Variants in CIITA observed in about 807,000 individuals in gnomAD.
CIITA encodes MHC class II transactivator.
In CIITA, 72 loss-of-function variants were observed where a neutral mutation model predicts 115.1. That is an observed-to-expected ratio of 0.63 (90% confidence interval 0.52 to 0.76). CIITA has a LOEUF of 0.76. CIITA is among the 30% of genes least tolerant of loss of function. CIITA has a pLI of 0.00. For missense variants in CIITA, 1,617 were observed against 1,463.8 expected, an observed-to-expected ratio of 1.10 and a Z score of -1.71; for synonymous variants, 763 against 635.6, an observed-to-expected ratio of 1.20 and a Z score of -3.02.
chr16:10,880,497 C>T (rs969713411), intron 1 of CIITA, among the ~76,000 whole-genome samples: 1 of 152,124 alleles, frequency 6.6e-6, no homozygotes, highest in African/African-American at 2.4e-5. Flanking sequence ...TTTTGCTTAA[C>T]GCCACATAGC....
chr16:10,924,178 G>A lies in CIITA; in HGVS notation c.*323G>A, dbSNP rs1453186158. ...GACAGCCACGGCCAGGCCAGAGGGA[G>A]TGACAGAGGCAGCCCCATTCTGCCT... On this transcript the variant is annotated 3_prime_UTR_variant, in exon 20 of 20. Coordinates refer to ENST00000324288, the MANE Select transcript of CIITA (RefSeq NM_000246.4). The A allele has an allele frequency of 6.6e-6, 1 of 152,330 alleles. No homozygotes were observed. Among genetic ancestry groups the A allele is most frequent in the African/African-American group, 2.4e-5 (1 of 41,458 alleles). 9.4% of individuals were successfully genotyped at this position (152,330 alleles called of 1,614,324 possible).
Position 10,935,816 on chromosome 16 carries a change from C to A in CIITA, c.*11961C>A, listed in dbSNP as rs899141037. ...CAAACCCAAATTGAGAGACAGTTTA[C>A]AAAACACCAGCCTTGTACTCTGCTT... On this transcript the variant is annotated 3_prime_UTR_variant, in exon 20 of 20. Coordinates refer to ENST00000324288, the MANE Select transcript of CIITA (RefSeq NM_000246.4). The A allele has an allele frequency of 6.6e-6, 1 of 152,140 alleles. No homozygotes were observed. Among genetic ancestry groups the A allele is most frequent in the Non-Finnish European group, 1.5e-5 (1 of 68,036 alleles). 9.4% of individuals were successfully genotyped at this position (152,140 alleles called of 1,614,324 possible).
At chr16:10,938,634 CCT>C (rs2041061861), downstream of CIITA, 1 of 152,166 alleles carries the variant, frequency 6.6e-6, no homozygotes, top group African/African-American at 2.4e-5. The surrounding 1 kb of genome is among the most constrained non-coding windows in gnomAD (Gnocchi z 4.9). Context: ...GCTAGCTACC[CCT>C]CTCATACCCT....
At chr16:10,910,375 C>A in intron 13 of CIITA, 116 bp downstream of exon 13, 3 of 918,542 alleles carry the variant, frequency 3.3e-6, no homozygotes, top group Non-Finnish European at 5.2e-6. Context: ...ACCCTCTTGC[C>A]CACCACTTTG....
rs532965860 is a variant in CIITA, at chr16:10,895,690, A to G, written c.221A>G (p.Asn74Ser). Residue 74 changes from asparagine (N) to serine (S), a missense_variant, in exon 3 of 20, where the codon AAC (asparagine) becomes AGC (serine). By Grantham distance (46) the Asn-to-Ser change is conservative. Transcript: ENST00000324288. ...CCAGAACCCGACACAGACACCATCA[A>G]CTGCGACCAGTTCAGCAGGCTGTTG... is the stretch of plus-strand genomic sequence containing the variant. ...LYSEPDTDTI[N>S]CDQFSRLLCD... 1 of 1,614,004 alleles carries G rather than the reference A, an allele frequency of 6.2e-7. No homozygotes were observed. The highest frequency in any genetic ancestry group is 8.5e-7 in the Non-Finnish European group (1 of 1,180,020).
At position 10,935,957 on chromosome 16, in the gene CIITA, C is replaced by T. The variant is rs932513820; in HGVS notation, c.*12102C>T. 1 of 151,332 alleles carries T rather than the reference C, an allele frequency of 6.6e-6. No individual in the cohort carries two copies. The allele number at this position is 151,332 out of a possible 1,614,324, so 9.4% of individuals were successfully genotyped here. A position where few individuals can be genotyped will look rare whatever the true frequency, so the allele number is the denominator to read the frequency against. ...TTGCATCTTGGACCTCAACTCTCCC[C>T]TTTTTATTGTTAAGGGACACTACTG... On this transcript the variant is annotated 3_prime_UTR_variant, in exon 20 of 20. Coordinates refer to ENST00000324288, the MANE Select transcript of CIITA (RefSeq NM_000246.4).
At chr16:10,919,395 C>G (rs2040148042) in intron 16 of CIITA, among the ~76,000 whole-genome samples, 1 of 152,176 alleles carries the variant, frequency 6.6e-6, no homozygotes, top group African/African-American at 2.4e-5. Flanking sequence ...CAGGGTTTCG[C>G]CATGTTGGCC....
chr16:10,901,427 A>T lies in CIITA; in HGVS notation c.437-87A>T. On this transcript the variant is annotated intron_variant, in intron 5 of 19. Transcript: ENST00000324288. This position sits in a 1 kb window ranked among gnomAD's most constrained non-coding sequence, Gnocchi z 6.8. The stretch of plus-strand genomic sequence containing the variant: ...AGACCACTACCCAGCCTTGAAGTTA[A>T]GGCCGTATAGCCTGCTAGAGTCCTG... The T allele has an allele frequency of 7.0e-7, 1 of 1,435,954 alleles. No homozygotes were observed. 89.0% of individuals were successfully genotyped at this position (1,435,954 alleles called of 1,614,324 possible).
intron 5 of CIITA, 124 bp downstream of exon 5, chr16:10,899,126 T>C: frequency 1.1e-6 from 1 of 881,050 alleles, no homozygotes; most frequent in South Asian, 1.4e-5. Flanking sequence ...GGAGGCCCTT[T>C]AAAAGCCAAC....
intron 13 of CIITA, among the ~76,000 whole-genome samples, chr16:10,913,867 G>C (rs1388158329): frequency 6.6e-6 from 1 of 151,874 alleles, no homozygotes; most frequent in East Asian, 2.0e-4. Flanking sequence ...TTTGAAACCG[G>C]GAGGCGGAGG....
At chr16:10,896,479 G>T (rs2038136370) in intron 3 of CIITA, among the ~76,000 whole-genome samples, 2 of 152,190 alleles carry the variant, frequency 1.3e-5, no homozygotes, top group African/African-American at 4.8e-5. Context: ...CAGGACTCTT[G>T]GGGAGAGGTG....
At chr16:10,938,369 GA>G (rs113861458), downstream of CIITA, 19,857 of 128,878 alleles carry the variant, frequency 0.15, 1,270 homozygotes, top group East Asian at 0.19. This position sits in a 1 kb window ranked among gnomAD's most constrained non-coding sequence, Gnocchi z 4.9. Flanking sequence ...ACACATAAGA[GA>G]AAAAAAAAAA....
rs144045117 is a variant in CIITA at position 10,904,144 on chromosome 16, C to T, written c.937+249C>T. Reference sequence around the variant, plus strand: ...AGCTGCTTGTTACCCAGCAGAAAAGCCAGACAATGTGGTCAGATCTTTTGA... The same window carrying T: ...AGCTGCTTGTTACCCAGCAGAAAAGTCAGACAATGTGGTCAGATCTTTTGA... On this transcript the variant is annotated intron_variant, in intron 9 of 19. Transcript: ENST00000324288. 4.4e-3 allele frequency among the ~76,000 whole-genome samples: 664 copies of T among 152,248 alleles called. 5 individuals are homozygous for T. The highest frequency in any genetic ancestry group is 7.2e-3 in the Non-Finnish European group (488 of 68,022).
At position 10,920,232 on chromosome 16, in the gene CIITA, T is replaced by G. The variant is rs1181520386; in HGVS notation, c.3149+1706T>G. The stretch of plus-strand genomic sequence containing the variant: ...CCTGGGAAGGCGACACTTGATCTGA[T>G]TTACACTTTTCTTTTTTCTTTTCTT... On this transcript the variant is annotated intron_variant, in intron 16 of 19. Transcript: ENST00000324288. The surrounding 1 kb of genome is among the most constrained non-coding windows in gnomAD (Gnocchi z 4.5). Among the ~76,000 whole-genome samples, 7 of 152,192 alleles carry G rather than the reference T, an allele frequency of 4.6e-5. No homozygotes were observed. Among genetic ancestry groups the G allele is most frequent in the Non-Finnish European group, 8.8e-5 (6 of 68,030 alleles).
intron 5 of CIITA, among the ~76,000 whole-genome samples, chr16:10,900,646 G>A (rs1301407752): frequency 6.6e-6 from 1 of 151,914 alleles, no homozygotes; most frequent in African/African-American, 2.4e-5. Flanking sequence ...AGGCTAGGGT[G>A]GGAGAATCGC....
chr16:10,904,802 A>G lies in CIITA; in HGVS notation c.996A>G (p.Pro332=), dbSNP rs1031604789. ...PAAGEVSNKL[P]KWPEPVEQFY... Reference sequence around the variant, plus strand: ...CTGGAGAGGTCTCCAACAAGCTTCCAAAATGGCCTGGTGAGTGATGCGGGA... The same window carrying G: ...CTGGAGAGGTCTCCAACAAGCTTCCGAAATGGCCTGGTGAGTGATGCGGGA... Residue 332 remains proline (P), a synonymous_variant, in exon 10 of 20, where the codon CCA becomes CCG. Transcript: ENST00000324288. 1 of 1,614,050 alleles carries G rather than the reference A, an allele frequency of 6.2e-7. No homozygotes were observed. The highest frequency in any genetic ancestry group is 2.2e-5 in the East Asian group (1 of 44,904).
chr16:10,897,351 C>T (rs757294059), intron 3 of CIITA, among the ~76,000 whole-genome samples: 3 of 152,134 alleles, frequency 2.0e-5, no homozygotes, highest in Non-Finnish European at 2.9e-5. Context: ...CTTACTCCCA[C>T]GACAACCCAT....
rs2038789661 is a variant in CIITA, at chr16:10,901,833, T to C, written c.482-205T>C. 3 of 784,898 alleles carry C rather than the reference T, an allele frequency of 3.8e-6. No homozygotes were observed. In the East Asian group the frequency reaches 7.5e-5, roughly 20 times the overall value. 48.6% of individuals were successfully genotyped at this position (784,898 alleles called of 1,614,324 possible). ...GGAGGCCCTAGGGTCCTGCTCAGCATAGCTCTCAGAGCCAAGTCACAAGGA... is the reference window on the plus strand; with the variant it reads ...GGAGGCCCTAGGGTCCTGCTCAGCACAGCTCTCAGAGCCAAGTCACAAGGA... On this transcript the variant is annotated intron_variant, in intron 6 of 19. Coordinates refer to ENST00000324288, the MANE Select transcript of CIITA (RefSeq NM_000246.4). The surrounding 1 kb of genome is among the most constrained non-coding windows in gnomAD (Gnocchi z 6.8).
chr16:10,882,819 C>G (rs1042453587), intron 1 of CIITA, among the ~76,000 whole-genome samples: 3 of 151,890 alleles, frequency 2.0e-5, no homozygotes, highest in Admixed American at 6.6e-5. Context: ...ATCGCCTGAA[C>G]CCAGGAGGCG....
Sources: allele counts gnomAD v4.1 joint callset (sites outside exome capture counted in the v4.1 genomes callset), GRCh38; gene constraint gnomAD v4.1.1; non-coding constraint Gnocchi (gnomAD v3.1); transcripts MANE v1.5; gene names NCBI Gene and HGNC (gene_info 2026-07-23, HGNC 2026-07-21).